AFF3: variants seen among roughly 807,000 people sequenced by gnomAD.
AFF3 encodes the protein AF4/FMR2 family member 3.
In AFF3, 32 loss-of-function variants were observed where a neutral mutation model predicts 129.7. That is an observed-to-expected ratio of 0.25 (90% CI 0.19 to 0.33). AFF3 has a LOEUF of 0.33. AFF3 is among the 10% of genes least tolerant of loss of function. The pLI is 1.00. For missense variants in AFF3, 1,373 were observed against 1,592.0 expected, an observed-to-expected ratio of 0.86 and a Z score of 2.34; for synonymous variants, 644 against 635.4, an observed-to-expected ratio of 1.01 and a Z score of -0.20.
At chr2:99,733,234 C>G (rs1403483886) in intron 10 of AFF3, among the ~76,000 whole-genome samples, 1 of 151,780 alleles carries the variant, frequency 6.6e-6, no homozygotes, top group Non-Finnish European at 1.5e-5. Context: ...AAAAAATTAG[C>G]CGGGTGTGGT....
At chr2:99,587,491 G>A (rs1032033443) in intron 15 of AFF3, among the ~76,000 whole-genome samples, 3 of 152,152 alleles carry the variant, frequency 2.0e-5, no homozygotes, top group African/African-American at 7.2e-5. Context: ...ATTGACAGCT[G>A]ATGGAGAGGA....
chr2:99,966,639 G>A (rs1164560871), intron 7 of AFF3, among the ~76,000 whole-genome samples: 1 of 120,474 alleles, frequency 8.3e-6, no homozygotes, highest in South Asian at 3.0e-4. Context: ...GCAGTGAGCC[G>A]AGATCCCGCC....
chr2:99,796,171 G>A (rs1048295016), intron 8 of AFF3, among the ~76,000 whole-genome samples: 11 of 151,996 alleles, frequency 7.2e-5, no homozygotes, highest in African/African-American at 2.7e-4. Context: ...AAGGTTTTTG[G>A]TATTTTATGA....
At chr2:99,791,375 C>T (rs1685176089) in intron 8 of AFF3, among the ~76,000 whole-genome samples, 1 of 152,188 alleles carries the variant, frequency 6.6e-6, no homozygotes. Flanking sequence ...AGGTTACTTA[C>T]AACACCTAAT....
At chr2:99,677,207 C>G (rs1016419764) in intron 11 of AFF3, among the ~76,000 whole-genome samples, 1 of 143,554 alleles carries the variant, frequency 7.0e-6, no homozygotes, top group Non-Finnish European at 1.5e-5. Flanking sequence ...GAGGTCAAGG[C>G]TAGAGTGAGC....
At chr2:99,732,410 TTTC>T (rs1444108367) in intron 10 of AFF3, among the ~76,000 whole-genome samples, 1 of 152,054 alleles carries the variant, frequency 6.6e-6, no homozygotes, top group African/African-American at 2.4e-5. Context: ...GAGTTTTTTT[TTTC>T]TTTTTAACCG....
rs189045024 is a variant in AFF3 at position 100,003,110 on chromosome 2, G to C, written c.873+3522C>G. ...CTAAGGCTCTGGGGAGTTGGGGGTC[G>C]GGGGGGTGGGGGTGGTACTGTGTTA... On this transcript the variant is annotated intron_variant, in intron 7 of 24. Transcript: ENST00000672756. 4.1e-3 allele frequency among the ~76,000 whole-genome samples: 609 copies of C among 150,032 alleles called. 2 individuals carry two copies. The highest frequency in any genetic ancestry group is 0.014 in the African/African-American group (585 of 40,734).
chr2:99,805,616 A>G (rs768038150), intron 8 of AFF3, among the ~76,000 whole-genome samples: 6 of 152,176 alleles, frequency 3.9e-5, no homozygotes, highest in Admixed American at 1.3e-4. Context: ...AATCAACACC[A>G]CAGCCGAGTA....
chr2:99,836,647 A>G (rs1688895647), intron 8 of AFF3, among the ~76,000 whole-genome samples: 1 of 152,156 alleles, frequency 6.6e-6, no homozygotes. Context: ...GTAACTCACT[A>G]GCAATTAAAA....
chr2:99,700,605 A>T (rs978423168), intron 11 of AFF3, among the ~76,000 whole-genome samples: 1 of 152,222 alleles, frequency 6.6e-6, no homozygotes, highest in African/African-American at 2.4e-5. Flanking sequence ...TCTCTTATTA[A>T]ATCTGCAGTA....
intron 14 of AFF3, among the ~76,000 whole-genome samples, chr2:99,598,272 C>G (rs1679484783): frequency 6.6e-6 from 1 of 152,068 alleles, no homozygotes; most frequent in African/African-American, 2.4e-5. Context: ...TATTGTACAA[C>G]AAAGGCCGAG....
chr2:100,031,515 G>A (rs979455090), intron 4 of AFF3, among the ~76,000 whole-genome samples: 1 of 152,174 alleles, frequency 6.6e-6, no homozygotes, highest in African/African-American at 2.4e-5. Context: ...ACACCCAGTA[G>A]CAATGAGTAC....
At chr2:99,745,877 G>A (rs1428167493) in intron 9 of AFF3, among the ~76,000 whole-genome samples, 1 of 152,154 alleles carries the variant, frequency 6.6e-6, no homozygotes, top group Non-Finnish European at 1.5e-5. Flanking sequence ...TTAATAGAAA[G>A]TAAACCACAT....
intron 7 of AFF3, among the ~76,000 whole-genome samples, chr2:99,908,112 T>A (rs1450567062): frequency 6.6e-6 from 1 of 152,244 alleles, no homozygotes; most frequent in African/African-American, 2.4e-5. Flanking sequence ...TCCTGCCTAT[T>A]GGTCTAAACC....
At chr2:99,825,766 G>C (rs1189696033) in intron 8 of AFF3, among the ~76,000 whole-genome samples, 1 of 152,306 alleles carries the variant, frequency 6.6e-6, no homozygotes, top group East Asian at 1.9e-4. Context: ...AGGAGCTGCT[G>C]CACTCCCTCC....
intron 8 of AFF3, among the ~76,000 whole-genome samples, chr2:99,809,506 C>G (rs547924769): frequency 6.6e-6 from 1 of 152,188 alleles, no homozygotes; most frequent in Non-Finnish European, 1.5e-5. Flanking sequence ...TAGGTGATTA[C>G]CCAGTGTCTG....
At chr2:99,865,516 C>T (rs1426010731) in intron 7 of AFF3, among the ~76,000 whole-genome samples, 3 of 152,050 alleles carry the variant, frequency 2.0e-5, no homozygotes, top group Admixed American at 6.6e-5. Context: ...TGGACCAACC[C>T]AGCAAAATGA....
At position 99,934,733 on chromosome 2, in the gene AFF3, C is replaced by T. The variant is rs1278876435; in HGVS notation, c.873+71899G>A. Among the ~76,000 whole-genome samples, 3 of 152,228 alleles carry T rather than the reference C, an allele frequency of 2.0e-5. No individual in the cohort carries two copies. In the East Asian group the frequency reaches 5.8e-4, roughly 29 times the overall value. On this transcript the variant is annotated intron_variant, in intron 7 of 24. Transcript: ENST00000672756. ...AGCCCCTCACTCACAACCCCCTGGGCAGGAGGACCGTCTTCTATTAGTGCC... is the reference window on the plus strand; with the variant it reads ...AGCCCCTCACTCACAACCCCCTGGGTAGGAGGACCGTCTTCTATTAGTGCC...
intron 11 of AFF3, among the ~76,000 whole-genome samples, chr2:99,680,854 C>G (rs1290537748): frequency 6.6e-6 from 1 of 152,120 alleles, no homozygotes; most frequent in Non-Finnish European, 1.5e-5. Flanking sequence ...AAAAGAGAAC[C>G]AAGCATAATC....
Sources: allele counts gnomAD v4.1 joint callset (sites outside exome capture counted in the v4.1 genomes callset), GRCh38; gene constraint gnomAD v4.1.1; transcripts MANE v1.5; gene names NCBI Gene and HGNC (gene_info 2026-07-23, HGNC 2026-07-21).